SOX5: variants seen among roughly 807,000 people sequenced by gnomAD.
SOX5 encodes transcription factor SOX-5.
A neutral mutation model predicts 92.0 loss-of-function variants in SOX5; 9 were observed. The observed-to-expected ratio is 0.10, with a 90% confidence interval of 0.06 to 0.17. The LOEUF (loss-of-function observed/expected upper bound fraction) is 0.17, where lower values mean the gene tolerates loss of function less well. SOX5 is among the 10% of genes least tolerant of loss of function. The pLI, the probability that SOX5 is intolerant of heterozygous loss-of-function variation, is 1.00. For missense variants in SOX5, 642 were observed against 944.5 expected (o/e 0.68, Z 4.20); for synonymous variants, 344 against 336.3 (o/e 1.02, Z -0.25).
chr12:24,225,872 G>A (rs117546321), intron 3 of SOX5, among the ~76,000 whole-genome samples: 105 of 152,198 alleles, frequency 6.9e-4, no homozygotes, highest in East Asian at 5.8e-3. Flanking sequence ...ATTTATTCTC[G>A]TCTCTCGCCA....
intron 13 of SOX5, among the ~76,000 whole-genome samples, chr12:23,541,380 T>C (rs1942003079): frequency 6.6e-6 from 1 of 152,206 alleles, no homozygotes; most frequent in Non-Finnish European, 1.5e-5. Flanking sequence ...CAATTTTGGA[T>C]TTCTAATTTG....
At chr12:24,174,738 T>C (rs1954616401) in intron 4 of SOX5, among the ~76,000 whole-genome samples, 1 of 152,044 alleles carries the variant, frequency 6.6e-6, no homozygotes, top group African/African-American at 2.4e-5. Flanking sequence ...GGAGAATCGC[T>C]TGAACCAGGA....
intron 1 of SOX5, among the ~76,000 whole-genome samples, chr12:23,922,923 T>C (rs913054854): frequency 6.6e-6 from 1 of 151,734 alleles, no homozygotes; most frequent in African/African-American, 2.4e-5. Flanking sequence ...CGACTCTCAG[T>C]TAGTCAAGGG....
At chr12:24,138,987 A>G (rs564203321) in intron 4 of SOX5, among the ~76,000 whole-genome samples, 1 of 152,328 alleles carries the variant, frequency 6.6e-6, no homozygotes, top group East Asian at 1.9e-4. Context: ...GATGCACAAT[A>G]TATCTCCATC....
rs150555287 is a variant in SOX5 at position 24,095,761 on chromosome 12, T to C, written c.-2+117582A>G. ...TTCCCCCATGCTGTTCTTGTGATAG[T>C]GAGTGAGTTGTCATGAGATCTGATG... On this transcript the variant is annotated intron_variant, in intron 4 of 4. Coordinates refer to the SOX5 transcript ENST00000446891. Among the ~76,000 whole-genome samples, 250 of 152,232 alleles carry C rather than the reference T, an allele frequency of 1.6e-3. 3 individuals carry two copies. The highest frequency in any genetic ancestry group is 2.4e-3 in the Non-Finnish European group (166 of 68,016).
At chr12:23,888,029 A>G (rs1423679205) in intron 2 of SOX5, among the ~76,000 whole-genome samples, 1 of 151,978 alleles carries the variant, frequency 6.6e-6, no homozygotes, top group African/African-American at 2.4e-5. Context: ...CACAAATGAG[A>G]AACTTTTCAA....
intron 3 of SOX5, chr12:24,227,247 A>G (rs1962260376): frequency 6.6e-6 from 1 of 152,240 alleles, no homozygotes; most frequent in Non-Finnish European, 1.5e-5. Flanking sequence ...TGTCCTCAAC[A>G]GGCGCCTGGG....
chr12:24,326,539 T>G (rs1176595039), intron 2 of SOX5, among the ~76,000 whole-genome samples: 1 of 152,122 alleles, frequency 6.6e-6, no homozygotes, highest in Non-Finnish European at 1.5e-5. Context: ...GAGTAAATAT[T>G]TTTTGAACGA....
intron 3 of SOX5, among the ~76,000 whole-genome samples, chr12:24,244,048 T>TA (rs3031151): frequency 0.018 from 2,354 of 131,598 alleles, 22 homozygotes; most frequent in Middle Eastern, 0.059. Context: ...GGCATATTGA[T>TA]AAAAAAAAAA....
intron 8 of SOX5, among the ~76,000 whole-genome samples, chr12:23,620,004 C>T (rs1157415784): frequency 6.6e-6 from 1 of 151,924 alleles, no homozygotes; most frequent in African/African-American, 2.4e-5. Flanking sequence ...AGTAAAATCC[C>T]AAATGTGCAA....
At chr12:23,893,200 C>T (rs895181458) in intron 2 of SOX5, among the ~76,000 whole-genome samples, 4 of 152,166 alleles carry the variant, frequency 2.6e-5, no homozygotes, top group African/African-American at 9.7e-5. Flanking sequence ...GTAATCCCAG[C>T]ACTTTGGGAG....
intron 9 of SOX5, among the ~76,000 whole-genome samples, chr12:23,579,025 T>C (rs1949669620): frequency 6.6e-6 from 1 of 152,178 alleles, no homozygotes; most frequent in Non-Finnish European, 1.5e-5. Flanking sequence ...AAGATATTTA[T>C]GAGCACAGAG....
At chr12:24,043,345 A>T (rs1370599037) in intron 4 of SOX5, among the ~76,000 whole-genome samples, 1 of 152,240 alleles carries the variant, frequency 6.6e-6, no homozygotes, top group East Asian at 1.9e-4. Context: ...CAGAAAAAAC[A>T]AAATATCTGA....
intron 1 of SOX5, among the ~76,000 whole-genome samples, chr12:24,510,313 C>A (rs1047571812): frequency 6.6e-6 from 1 of 152,162 alleles, no homozygotes; most frequent in African/African-American, 2.4e-5. Context: ...GATGATAGAG[C>A]GGATAAATAC....
At chr12:23,797,058 C>T (rs1243248891) in intron 3 of SOX5, among the ~76,000 whole-genome samples, 2 of 151,200 alleles carry the variant, frequency 1.3e-5, no homozygotes, top group Non-Finnish European at 3.0e-5. Flanking sequence ...AACGTAAAAT[C>T]TGAAAAAAAC....
chr12:23,927,520 T>A (rs897519928), intron 1 of SOX5, among the ~76,000 whole-genome samples: 1 of 152,062 alleles, frequency 6.6e-6, no homozygotes, highest in Admixed American at 6.6e-5. Context: ...ATATTTTCCA[T>A]AATTAGTGGA....
intron 6 of SOX5, among the ~76,000 whole-genome samples, chr12:23,734,048 A>G (rs1218149168): frequency 6.6e-6 from 1 of 152,228 alleles, no homozygotes; most frequent in East Asian, 1.9e-4. Context: ...GTCAAAGTTT[A>G]TGACACTAGC....
intron 8 of SOX5, among the ~76,000 whole-genome samples, chr12:23,605,853 G>A (rs1327675829): frequency 6.6e-6 from 1 of 151,934 alleles, no homozygotes; most frequent in Admixed American, 6.6e-5. Context: ...TTAATTTTAT[G>A]CAAATTAATG....
intron 4 of SOX5, among the ~76,000 whole-genome samples, chr12:24,040,786 T>C (rs1956441567): frequency 6.6e-6 from 1 of 151,990 alleles, no homozygotes; most frequent in African/African-American, 2.4e-5. Flanking sequence ...GGCAGGAGAA[T>C]GGCGTACACC....
Sources: allele counts gnomAD v4.1 joint callset (sites outside exome capture counted in the v4.1 genomes callset), GRCh38; gene constraint gnomAD v4.1.1; transcripts MANE v1.5; gene names NCBI Gene and HGNC (gene_info 2026-07-23, HGNC 2026-07-21).